The following KALRN variants were observed in gnomAD, a reference collection of about 807,000 sequenced individuals.
KALRN encodes the protein kalirin RhoGEF kinase.
A neutral mutation model predicts 353.7 loss-of-function variants in KALRN; 70 were observed. The observed-to-expected ratio is 0.20, with a 90% CI of 0.16 to 0.24. The LOEUF (loss-of-function observed/expected upper bound fraction) is 0.24, where lower values mean the gene tolerates loss of function less well. Ranked by LOEUF, KALRN falls within the 10% of genes least tolerant of loss-of-function variation. The pLI is 1.00. For synonymous variants in KALRN, 1,391 were observed against 1,434.8 expected (o/e 0.97, Z 0.69); for missense variants, 2,791 against 3,756.7 (o/e 0.74, Z 6.72).
At chr3:124,231,062 G>A (rs771312832) in intron 2 of KALRN, among the ~76,000 whole-genome samples, 3 of 152,208 alleles carry the variant, frequency 2.0e-5, no homozygotes, top group Admixed American at 2.0e-4. Context: ...AATTGAGCCT[G>A]CCCTCCTCTG....
At chr3:124,045,692 T>TG (rs1208101955) in intron 1 of KALRN, among the ~76,000 whole-genome samples, 3 of 147,760 alleles carry the variant, frequency 2.0e-5, no homozygotes, top group Admixed American at 6.8e-5. Flanking sequence ...TGCCAGGCAC[T>TG]GGGGGTACAC....
chr3:124,346,166 T>C (rs1011301062), intron 9 of KALRN, among the ~76,000 whole-genome samples: 1 of 152,188 alleles, frequency 6.6e-6, no homozygotes, highest in East Asian at 1.9e-4. Flanking sequence ...GCGCCAACTC[T>C]TCAGAGATCA....
intron 1 of KALRN, among the ~76,000 whole-genome samples, chr3:124,139,745 G>A (rs1219147616): frequency 6.6e-6 from 1 of 152,200 alleles, no homozygotes; most frequent in Non-Finnish European, 1.5e-5. Context: ...GGGATTGGAT[G>A]TGAGGAGATC....
intron 5 of KALRN, among the ~76,000 whole-genome samples, chr3:124,277,457 C>G (rs542219969): frequency 6.6e-6 from 1 of 152,308 alleles, no homozygotes; most frequent in South Asian, 2.1e-4. Context: ...TTATTTCCAG[C>G]CTGCTGGTCC....
intron 3 of KALRN, among the ~76,000 whole-genome samples, chr3:124,262,447 A>AG (rs2073011325): frequency 6.6e-6 from 1 of 152,212 alleles, no homozygotes; most frequent in Non-Finnish European, 1.5e-5. Flanking sequence ...TTGGAGAAAA[A>AG]GTCACATTGC....
At chr3:124,176,923 A>G (rs932046758) in intron 1 of KALRN, among the ~76,000 whole-genome samples, 1 of 152,178 alleles carries the variant, frequency 6.6e-6, no homozygotes, top group Admixed American at 6.5e-5. Flanking sequence ...TATCCACACT[A>G]TTCGCAATGC....
At position 124,120,330 on chromosome 3, in the gene KALRN, C is replaced by T. The variant is rs77736883; in HGVS notation, c.73+86517C>T. On this transcript the variant is annotated intron_variant, in intron 1 of 59. Transcript: ENST00000682506. Reference sequence around the variant, plus strand: ...CAAAGTCAGCCTTGCTGCTCTAATTCCATTCTGGTTTTCTTCTTGCAATCC... The same window carrying T: ...CAAAGTCAGCCTTGCTGCTCTAATTTCATTCTGGTTTTCTTCTTGCAATCC... 7.0e-4 allele frequency among the ~76,000 whole-genome samples: 107 copies of T among 152,234 alleles called. No homozygotes were observed. The South Asian group carries it at 0.014, about 20-fold the overall frequency.
At chr3:124,339,044 G>A (rs2081412627) in intron 9 of KALRN, among the ~76,000 whole-genome samples, 1 of 152,182 alleles carries the variant, frequency 6.6e-6, no homozygotes, top group Admixed American at 6.5e-5. Flanking sequence ...GGAATGAGGT[G>A]GAGCCTATAA....
chr3:124,492,291 T>C (rs2108461847), intron 31 of KALRN, among the ~76,000 whole-genome samples: 1 of 152,304 alleles, frequency 6.6e-6, no homozygotes, highest in South Asian at 2.1e-4. Context: ...TTCTAGTCAG[T>C]ACAAGTCTGT....
chr3:124,109,245 A>G (rs187581875), intron 1 of KALRN, among the ~76,000 whole-genome samples: 3 of 151,574 alleles, frequency 2.0e-5, no homozygotes, highest in Admixed American at 1.3e-4. Flanking sequence ...GTATGTTGCA[A>G]TTTCTCGTTG....
chr3:124,614,994 T>G (rs2078408763), intron 34 of KALRN, among the ~76,000 whole-genome samples: 1 of 152,270 alleles, frequency 6.6e-6, no homozygotes, highest in African/African-American at 2.4e-5. Context: ...GGGAATTATG[T>G]TCAAACATTA....
At chr3:124,275,011 AC>A (rs2074556095) in intron 5 of KALRN, among the ~76,000 whole-genome samples, 1 of 151,848 alleles carries the variant, frequency 6.6e-6, no homozygotes, top group Admixed American at 6.6e-5. Flanking sequence ...TTAACTTATC[AC>A]CCCCAATTGT....
intron 6 of KALRN, among the ~76,000 whole-genome samples, chr3:124,321,618 G>A (rs2079347052): frequency 6.6e-6 from 1 of 152,172 alleles, no homozygotes; most frequent in Non-Finnish European, 1.5e-5. Flanking sequence ...CAGAAGAAGG[G>A]GCTCTCCATC....
chr3:124,495,961 G>GTATA (rs1247326841), intron 32 of KALRN, among the ~76,000 whole-genome samples: 2 of 37,894 alleles, frequency 5.3e-5, no homozygotes, highest in African/African-American at 2.0e-4. Context: ...GTATGTGTAT[G>GTATA]TATGTATATA....
chr3:124,333,168 C>T (rs2080777670), intron 8 of KALRN, among the ~76,000 whole-genome samples: 1 of 152,168 alleles, frequency 6.6e-6, no homozygotes, highest in South Asian at 2.1e-4. Context: ...CTGGAAAAAC[C>T]CACCCGCATG....
At chr3:124,125,012 G>A (rs2064477917) in intron 1 of KALRN, among the ~76,000 whole-genome samples, 1 of 152,146 alleles carries the variant, frequency 6.6e-6, no homozygotes. Flanking sequence ...AACGTTGTAG[G>A]GACAAGGCAT....
chr3:124,228,681 A>G (rs142058806), intron 2 of KALRN, among the ~76,000 whole-genome samples: 292 of 152,286 alleles, frequency 1.9e-3, no homozygotes, highest in African/African-American at 6.7e-3. Context: ...GTATTTGTTT[A>G]TGGAGTGTAT....
At chr3:124,356,348 T>G (rs1164722848) in intron 10 of KALRN, among the ~76,000 whole-genome samples, 2 of 113,032 alleles carry the variant, frequency 1.8e-5, no homozygotes, top group Non-Finnish European at 3.8e-5. Flanking sequence ...TTTTTTTTTT[T>G]TTGAGACAGA....
intron 33 of KALRN, 52 bp from the exon 34 acceptor site, chr3:124,562,791 C>G: frequency 7.9e-7 from 1 of 1,273,424 alleles, no homozygotes; most frequent in Non-Finnish European, 1.0e-6. Context: ...ATATTTCTCC[C>G]CCCTTCCTCC....
Sources: gnomAD v4.1 joint callset for allele counts (sites outside exome capture counted in the v4.1 genomes callset) on GRCh38, gnomAD v4.1.1 for gene constraint, MANE v1.5 for transcripts, NCBI Gene and HGNC (gene_info 2026-07-23, HGNC 2026-07-21) for gene names.